The following NUAK1 variants were observed in gnomAD, a reference collection of about 807,000 sequenced individuals.
The protein encoded by NUAK1 is NUAK family SNF1-like kinase 1.
Under a neutral mutation model 56.9 loss-of-function variants are expected in NUAK1, and 26 were observed. The ratio of observed to expected loss-of-function variants is 0.46; its 90% confidence interval spans 0.33 to 0.63. The LOEUF (loss-of-function observed/expected upper bound fraction) is 0.63. Among genes scored for constraint, NUAK1 ranks in the 30% least tolerant of loss-of-function variants. The pLI is 0.02. For synonymous variants in NUAK1, 337 were observed against 336.0 expected, an observed-to-expected ratio of 1.00 and a Z score of -0.03; for missense variants, 727 against 876.1, an observed-to-expected ratio of 0.83 and a Z score of 2.15.
intron 2 of NUAK1, 55 bp from the exon 3 acceptor site, chr12:106,086,940 T>C: frequency 1.3e-6 from 2 of 1,584,510 alleles, no homozygotes; most frequent in Non-Finnish European, 1.7e-6. Flanking sequence ...CAAGCTCACT[T>C]ATGCTACAGA....
intron 1 of NUAK1, among the ~76,000 whole-genome samples, chr12:106,116,625 C>T (rs77317930): frequency 0.041 from 6,303 of 152,280 alleles, 243 homozygotes; most frequent in African/African-American, 0.1. Context: ...GGTCTCCATA[C>T]GCTGAAAGAC....
intron 1 of NUAK1, among the ~76,000 whole-genome samples, chr12:106,117,577 C>G (rs2032930118): frequency 6.6e-6 from 1 of 152,218 alleles, no homozygotes; most frequent in Non-Finnish European, 1.5e-5. Context: ...CTTCAGGACC[C>G]ACATAGATGT....
chr12:106,064,797 C>A lies in NUAK1; in HGVS notation c.*2005G>T, dbSNP rs553004045. The A allele has an allele frequency of 6.1e-5, 9 of 146,824 alleles. No individual in the cohort carries two copies. Among genetic ancestry groups the A allele is most frequent in the South Asian group, 2.3e-4 (1 of 4,346 alleles). 9.1% of individuals were successfully genotyped at this position (146,824 alleles called of 1,614,324 possible). A position where few individuals can be genotyped will look rare whatever the true frequency, so the allele number is the denominator to read the frequency against. On this transcript the variant is annotated 3_prime_UTR_variant, in exon 7 of 7. Coordinates refer to ENST00000261402, the MANE Select transcript of NUAK1 (RefSeq NM_014840.3). ...CCTCCATGCACCCACACCCCCACCC[C>A]CCCCCACACACACAATTTGCTATCT...
chr12:106,117,071 T>C (rs1428830217), intron 1 of NUAK1, among the ~76,000 whole-genome samples: 1 of 152,192 alleles, frequency 6.6e-6, no homozygotes, highest in African/African-American at 2.4e-5. Context: ...GGCTCCTCCC[T>C]GCCCAGCCCC....
chr12:106,077,671 C>G (rs1195290371), intron 4 of NUAK1, among the ~76,000 whole-genome samples: 1 of 152,206 alleles, frequency 6.6e-6, no homozygotes. Context: ...CCACTCCAAT[C>G]TGGCCCACGG....
intron 1 of NUAK1, among the ~76,000 whole-genome samples, chr12:106,111,426 C>T (rs917797894): frequency 5.3e-5 from 8 of 151,654 alleles, no homozygotes; most frequent in East Asian, 2.0e-4. Context: ...GCCTTGGGGG[C>T]GTGGCAGAGA....
intron 1 of NUAK1, among the ~76,000 whole-genome samples, chr12:106,127,719 C>A (rs1458606419): frequency 6.6e-6 from 1 of 152,144 alleles, no homozygotes; most frequent in East Asian, 1.9e-4. Context: ...TGCCAAAAAA[C>A]AAGCAATAGG....
At chr12:106,082,428 G>A (rs917342795) in intron 4 of NUAK1, among the ~76,000 whole-genome samples, 2 of 152,200 alleles carry the variant, frequency 1.3e-5, no homozygotes, top group African/African-American at 4.8e-5. Flanking sequence ...CTCTAAGCAG[G>A]CCTGTGAGTA....
At chr12:106,121,771 G>A (rs1358889007) in intron 1 of NUAK1, among the ~76,000 whole-genome samples, 2 of 151,964 alleles carry the variant, frequency 1.3e-5, no homozygotes, top group African/African-American at 2.4e-5. Flanking sequence ...AGGTGGGGGG[G>A]TGTGGGGAGG....
chr12:106,117,388 A>G (rs895796504), intron 1 of NUAK1, among the ~76,000 whole-genome samples: 1 of 152,126 alleles, frequency 6.6e-6, no homozygotes, highest in Admixed American at 6.5e-5. Context: ...CTCCTAAATA[A>G]CTATCAGTTC....
chr12:106,130,643 A>G (rs2033068688), intron 1 of NUAK1, among the ~76,000 whole-genome samples: 2 of 152,268 alleles, frequency 1.3e-5, no homozygotes, highest in South Asian at 4.1e-4. Flanking sequence ...ACAAGGCACC[A>G]GCCGATGGGC....
intron 1 of NUAK1, among the ~76,000 whole-genome samples, chr12:106,126,268 C>T (rs2033023623): frequency 1.3e-5 from 2 of 152,186 alleles, no homozygotes; most frequent in South Asian, 4.1e-4. Context: ...TATCTTACTC[C>T]CTGTTGCCTC....
intron 1 of NUAK1, among the ~76,000 whole-genome samples, chr12:106,117,711 G>C (rs992664636): frequency 6.6e-6 from 1 of 152,244 alleles, no homozygotes; most frequent in Non-Finnish European, 1.5e-5. Context: ...CAAAGGTGCA[G>C]GAAGTCCAGC....
At chr12:106,102,249 A>G (rs2032757306) in intron 2 of NUAK1, among the ~76,000 whole-genome samples, 2 of 152,206 alleles carry the variant, frequency 1.3e-5, no homozygotes, top group Non-Finnish European at 2.9e-5. Context: ...TGAGGTCAGG[A>G]ATGCCTTTGA....
rs912097631 is a variant in NUAK1, at chr12:106,064,263, G to A, written c.*2539C>T. The A allele has an allele frequency of 6.6e-6, 1 of 152,254 alleles. No homozygotes were observed. The highest frequency in any genetic ancestry group is 1.5e-5 in the Non-Finnish European group (1 of 68,056). The allele number at this position is 152,254 out of a possible 1,614,324, so 9.4% of individuals were successfully genotyped here. A position where few individuals can be genotyped will look rare whatever the true frequency, so the allele number is the denominator to read the frequency against. On this transcript the variant is annotated 3_prime_UTR_variant, in exon 7 of 7. Transcript: ENST00000261402. ...TCTATTGCAAGTTTTTCCTTGAAAGGACAGTCAACACCACACCTAGAATCA... is the reference window on the plus strand; with the variant it reads ...TCTATTGCAAGTTTTTCCTTGAAAGAACAGTCAACACCACACCTAGAATCA...
In NUAK1 at chr12:106,065,603, A is replaced by G. The variant is rs1367144958; in HGVS notation, c.*1199T>C. The stretch of plus-strand genomic sequence containing the variant: ...CATCCCAATATCCCATCTACATGCT[A>G]ACTCCCTAGAAGCAAACTTGCCTAC... On this transcript the variant is annotated 3_prime_UTR_variant, in exon 7 of 7. Transcript: ENST00000261402. 1 of 152,352 alleles carries G rather than the reference A, an allele frequency of 6.6e-6. No individual in the cohort carries two copies. Among genetic ancestry groups the G allele is most frequent in the Non-Finnish European group, 1.5e-5 (1 of 68,044 alleles). The allele number at this position is 152,352 out of a possible 1,614,324, so 9.4% of individuals were successfully genotyped here.
At chr12:106,115,615 G>A (rs759247355) in intron 1 of NUAK1, among the ~76,000 whole-genome samples, 9 of 152,170 alleles carry the variant, frequency 5.9e-5, no homozygotes, top group South Asian at 2.1e-4. Flanking sequence ...TCCCCAGCCC[G>A]TTGCAAGATC....
At chr12:106,106,367 A>C in intron 2 of NUAK1, 38 bp downstream of exon 2, 1 of 1,532,004 alleles carries the variant, frequency 6.5e-7, no homozygotes, top group Admixed American at 1.9e-5. Flanking sequence ...GAGAAATGGT[A>C]ACTGATATGG....
chr12:106,073,051 C>T (rs1333166110), intron 4 of NUAK1, among the ~76,000 whole-genome samples: 1 of 152,208 alleles, frequency 6.6e-6, no homozygotes, highest in East Asian at 1.9e-4. Flanking sequence ...CAGTCCTTGG[C>T]ATCCATCACA....
Sources: allele counts gnomAD v4.1 joint callset (sites outside exome capture counted in the v4.1 genomes callset), GRCh38; gene constraint gnomAD v4.1.1; transcripts MANE v1.5; gene names NCBI Gene and HGNC (gene_info 2026-07-23, HGNC 2026-07-21).